Variants in GAD1 observed in about 807,000 individuals in gnomAD.
The protein encoded by GAD1 is 67 kDa glutamic acid decarboxylase.
Under a neutral mutation model 75.2 loss-of-function variants are expected in GAD1, and 35 were observed. That is an observed-to-expected ratio of 0.47 (90% confidence interval 0.36 to 0.62). GAD1 has a LOEUF of 0.62. Among genes scored for constraint, GAD1 ranks in the 20% least tolerant of loss-of-function variants. GAD1 has a pLI of 0.00. For missense variants in GAD1, 490 were observed against 758.5 expected (o/e 0.65, Z 4.16); for synonymous variants, 257 against 271.9 (o/e 0.95, Z 0.54).
chr2:170,848,416 T>A, intron 11 of GAD1, among the ~76,000 whole-genome samples: 1 of 150,312 alleles, frequency 6.7e-6, no homozygotes, highest in East Asian at 1.9e-4. Flanking sequence ...GAGAATCACT[T>A]GAACCTAGGG....
At chr2:170,832,107 T>C (rs1208517238) in intron 5 of GAD1, among the ~76,000 whole-genome samples, 1 of 152,214 alleles carries the variant, frequency 6.6e-6, no homozygotes, top group East Asian at 1.9e-4. Flanking sequence ...TCCCTGACAC[T>C]GGGGAGAATT....
In GAD1 at chr2:170,820,878, C is replaced by T. The variant is rs982882929; in HGVS notation, c.83-1209C>T. ...TCCTGCCAGTTTCATAGGACTGTTACGAGAATTAGATGAGATGATGTTGAA... is the reference window on the plus strand; with the variant it reads ...TCCTGCCAGTTTCATAGGACTGTTATGAGAATTAGATGAGATGATGTTGAA... On this transcript the variant is annotated intron_variant, in intron 2 of 16. Transcript: ENST00000358196. Among the ~76,000 whole-genome samples, 11 of 152,186 alleles carry T rather than the reference C, an allele frequency of 7.2e-5. No homozygotes were observed. In the South Asian group the frequency reaches 1.2e-3, roughly 17 times the overall value.
chr2:170,833,055 G>A (rs1702282254), intron 5 of GAD1, among the ~76,000 whole-genome samples: 2 of 152,230 alleles, frequency 1.3e-5, no homozygotes, highest in African/African-American at 4.8e-5. Context: ...TGCCACCACA[G>A]GGGAAGCCCC....
chr2:170,852,929 GT>G, intron 13 of GAD1, 137 bp downstream of exon 13: 2 of 755,842 alleles, frequency 2.6e-6, no homozygotes, highest in Admixed American at 2.0e-5. Context: ...TACTGCTGCT[GT>G]CCTTTCCTGC....
intron 5 of GAD1, 107 bp downstream of exon 5, chr2:170,831,299 G>C: frequency 2.3e-6 from 3 of 1,312,178 alleles, no homozygotes; most frequent in Non-Finnish European, 2.2e-6. Flanking sequence ...CACAGCCCTG[G>C]TGAGATAAGG....
Position 170,859,971 on chromosome 2 carries a change from C to A in GAD1, c.*89C>A. The A allele has an allele frequency of 1.7e-6, 2 of 1,169,838 alleles. No individual in the cohort carries two copies. The highest frequency in any genetic ancestry group is 2.5e-6 in the Non-Finnish European group (2 of 793,216). The allele number at this position is 1,169,838 out of a possible 1,614,324, so 72.5% of individuals were successfully genotyped here. Reference sequence around the variant, plus strand: ...TCTATATGTTGCTGAAACACACAGGCCATTTCATTGAGGGAAAACATAATA... The same window carrying A: ...TCTATATGTTGCTGAAACACACAGGACATTTCATTGAGGGAAAACATAATA... On this transcript the variant is annotated 3_prime_UTR_variant, in exon 17 of 17. Coordinates refer to ENST00000358196, the MANE Select transcript of GAD1 (RefSeq NM_000817.3).
At position 170,826,007 on chromosome 2, in the gene GAD1, C is replaced by T. The variant is rs186179587; in HGVS notation, c.146-3468C>T. Among the ~76,000 whole-genome samples, 244 of 152,310 alleles carry T rather than the reference C, an allele frequency of 1.6e-3. 1 individual carries two copies. The highest frequency in any genetic ancestry group is 3.4e-3 in the Middle Eastern group (1 of 294). On this transcript the variant is annotated intron_variant, in intron 3 of 16. Coordinates refer to ENST00000358196, the MANE Select transcript of GAD1 (RefSeq NM_000817.3). ...TTCATCCTTGGAGAAGCAGTTCCTT[C>T]CAGGGCCTCTCAGAGCCAAGGGAGG... is the stretch of plus-strand genomic sequence containing the variant.
At chr2:170,855,530 T>C (rs1702832316) in intron 14 of GAD1, among the ~76,000 whole-genome samples, 2 of 150,732 alleles carry the variant, frequency 1.3e-5, no homozygotes, top group South Asian at 4.2e-4. Context: ...AATATAGAAA[T>C]AGTCTGAATT....
At chr2:170,826,584 A>AT in intron 3 of GAD1, among the ~76,000 whole-genome samples, 1 of 150,606 alleles carries the variant, frequency 6.6e-6, no homozygotes, top group South Asian at 2.1e-4. Flanking sequence ...AAAAAAAAAA[A>AT]GCTGTGGCAT....
chr2:170,844,208 C>G (rs767216424), intron 7 of GAD1, 51 bp downstream of exon 7: 1 of 1,047,990 alleles, frequency 9.5e-7, no homozygotes, highest in Non-Finnish European at 1.5e-6. Context: ...CTTAAGAATA[C>G]AAAATATGAA....
At chr2:170,828,134 C>T (rs13014595) in intron 3 of GAD1, among the ~76,000 whole-genome samples, 4 of 148,612 alleles carry the variant, frequency 2.7e-5, no homozygotes, top group Admixed American at 6.7e-5. Flanking sequence ...CACCCTCCTC[C>T]CTCTGCTGTC....
rs1242943377 is a variant in GAD1, at chr2:170,858,895, T to C, written c.1611+2T>C. On this transcript the variant is annotated splice_donor_variant, in intron 16 of 16. Transcript: ENST00000358196. LOFTEE classifies it high-confidence loss of function. ...CAACGACGGGAAAAGCTACACAAGG[T>C]ATGGACTTGCTTTTTGTCTCATCTA... 1.2e-6 allele frequency: 2 copies of C among 1,613,550 alleles called. No individual in the cohort carries two copies. Among genetic ancestry groups the C allele is most frequent in the Non-Finnish European group, 1.7e-6 (2 of 1,179,578 alleles).
At chr2:170,846,157 T>C (rs904508434) in intron 10 of GAD1, 94 bp downstream of exon 10, 6 of 1,053,908 alleles carry the variant, frequency 5.7e-6, no homozygotes, top group Admixed American at 4.0e-5. Context: ...GACAATTTTC[T>C]TGTGCTTCTA....
chr2:170,850,666 G>A (rs1469081258), intron 12 of GAD1, among the ~76,000 whole-genome samples: 1 of 152,184 alleles, frequency 6.6e-6, no homozygotes, highest in Non-Finnish European at 1.5e-5. Context: ...TGAAAGACCA[G>A]TGTCAACGTG....
At chr2:170,824,744 C>T (rs1291544149) in intron 3 of GAD1, among the ~76,000 whole-genome samples, 2 of 152,142 alleles carry the variant, frequency 1.3e-5, no homozygotes, top group Non-Finnish European at 2.9e-5. Context: ...CTAGAAGAAA[C>T]CCATGGTCTT....
chr2:170,821,907 G>A (rs910597841), intron 2 of GAD1, 180 bp from the exon 3 acceptor site: 1 of 643,792 alleles, frequency 1.6e-6, no homozygotes, highest in Non-Finnish European at 2.8e-6. Flanking sequence ...GTATGATGGG[G>A]GCTTAGAGTA....
intron 2 of GAD1, among the ~76,000 whole-genome samples, chr2:170,821,110 G>A (rs562762932): frequency 3.3e-5 from 5 of 152,314 alleles, no homozygotes; most frequent in East Asian, 3.9e-4. Context: ...ACACCTGTGC[G>A]AAGCTGGAGG....
chr2:170,830,108 G>A (rs1702183390), intron 4 of GAD1, among the ~76,000 whole-genome samples: 2 of 152,128 alleles, frequency 1.3e-5, no homozygotes, highest in African/African-American at 4.8e-5. Context: ...CTCATCTCAG[G>A]AGGTGCTTTA....
At chr2:170,835,420 A>G (rs1229141147) in intron 5 of GAD1, among the ~76,000 whole-genome samples, 2 of 152,208 alleles carry the variant, frequency 1.3e-5, no homozygotes, top group East Asian at 3.8e-4. Flanking sequence ...CATATCTATC[A>G]TCTGCTACTT....
Sources: gnomAD v4.1 joint callset for allele counts (sites outside exome capture counted in the v4.1 genomes callset) on GRCh38, gnomAD v4.1.1 for gene constraint, MANE v1.5 for transcripts, NCBI Gene and HGNC (gene_info 2026-07-23, HGNC 2026-07-21) for gene names.